The following ARHGAP6 variants were observed in gnomAD, a reference collection of about 807,000 sequenced individuals.
The protein encoded by ARHGAP6 is Rho GTPase activating protein 6, also known as rho GTPase-activating protein 6.
A neutral mutation model predicts 55.7 loss-of-function variants in ARHGAP6; 16 were observed. The ratio of observed to expected loss-of-function variants is 0.29; its 90% confidence interval spans 0.19 to 0.44. ARHGAP6 has a LOEUF of 0.44. ARHGAP6 is among the 20% of genes least tolerant of loss of function. The pLI, the probability that ARHGAP6 is intolerant of heterozygous loss-of-function variation, is 1.00. For missense variants in ARHGAP6, 698 were observed against 808.9 expected (o/e 0.86, Z 1.66); for synonymous variants, 382 against 360.9 (o/e 1.06, Z -0.66).
At chrX:11,608,795 T>C (rs189080855) in intron 1 of ARHGAP6, among the ~76,000 whole-genome samples, 52 of 111,815 alleles carry the variant, frequency 4.7e-4, no homozygotes, top group Admixed American at 1.8e-3. Flanking sequence ...CTCTTGCTGC[T>C]GCCATGTAGG....
In ARHGAP6 at chrX:11,343,397, G is replaced by A. The variant is rs180688405; in HGVS notation, c.589-88690C>T. ...TTGATTCTATAGGGCTGTCCTGATT[G>A]TAACTATAGAATTAGGAAGCCCTCT... On this transcript the variant is annotated intron_variant, in intron 1 of 12. Transcript: ENST00000337414. Among the ~76,000 whole-genome samples the A allele has an allele frequency of 1.1e-3, 121 of 112,242 alleles. 1 individual carries two copies. The highest frequency in any genetic ancestry group is 3.7e-3 in the African/African-American group (115 of 30,939).
intron 2 of ARHGAP6, among the ~76,000 whole-genome samples, chrX:11,221,799 CTTTTGTTA>C (rs1215473156): frequency 1.8e-5 from 2 of 111,085 alleles, no homozygotes; most frequent in Non-Finnish European, 1.9e-5. Flanking sequence ...TATACAGATA[CTTTTGTTA>C]TTTTGTTATT....
chrX:11,587,665 T>C (rs781179539), intron 1 of ARHGAP6, among the ~76,000 whole-genome samples: 4 of 112,336 alleles, frequency 3.6e-5, no homozygotes, highest in South Asian at 3.7e-4. Context: ...CACGAAAAGA[T>C]TGAGCTGTGC....
At chrX:11,201,536 C>G (rs1018451983) in intron 2 of ARHGAP6, among the ~76,000 whole-genome samples, 3 of 110,386 alleles carry the variant, frequency 2.7e-5, no homozygotes, top group African/African-American at 1.0e-4. Flanking sequence ...CAAAGCAGGT[C>G]CTCTGTATTA....
intron 2 of ARHGAP6, among the ~76,000 whole-genome samples, chrX:11,228,610 G>T (rs752768903): frequency 8.9e-6 from 1 of 112,104 alleles, no homozygotes; most frequent in Non-Finnish European, 1.9e-5. Flanking sequence ...ATAAAATTGT[G>T]TCGGAGACCA....
intron 1 of ARHGAP6, among the ~76,000 whole-genome samples, chrX:11,485,349 G>A (rs1227307909): frequency 2.8e-5 from 3 of 106,767 alleles, no homozygotes; most frequent in Admixed American, 1.0e-4. Flanking sequence ...GGAGAAGTAA[G>A]CTTCCAAAAA....
chrX:11,595,786 G>A (rs2051894786), intron 1 of ARHGAP6, among the ~76,000 whole-genome samples: 1 of 112,180 alleles, frequency 8.9e-6, no homozygotes, highest in Non-Finnish European at 1.9e-5. Context: ...CTTCTCAAAA[G>A]AAGACATTTA....
At chrX:11,382,405 T>C (rs1461607355) in intron 1 of ARHGAP6, among the ~76,000 whole-genome samples, 1 of 111,536 alleles carries the variant, frequency 9.0e-6, no homozygotes, top group Non-Finnish European at 1.9e-5. Context: ...GTTTTTATGC[T>C]CAGATACAAT....
At chrX:11,375,777 C>T (rs1395829076) in intron 1 of ARHGAP6, among the ~76,000 whole-genome samples, 1 of 111,678 alleles carries the variant, frequency 9.0e-6, no homozygotes, top group African/African-American at 3.3e-5. Context: ...AAGAATTCTG[C>T]ATGAGAGCAA....
chrX:11,540,202 C>T (rs1417411220), intron 1 of ARHGAP6, among the ~76,000 whole-genome samples: 1 of 104,920 alleles, frequency 9.5e-6, no homozygotes, highest in African/African-American at 3.5e-5. Context: ...TGCAGTGAGC[C>T]GAGATCACGC....
At chrX:11,365,995 T>C (rs1373514664) in intron 1 of ARHGAP6, among the ~76,000 whole-genome samples, 1 of 112,087 alleles carries the variant, frequency 8.9e-6, no homozygotes, top group Non-Finnish European at 1.9e-5. Context: ...TGTTCTCACA[T>C]GGCAGGGAAA....
chrX:11,631,815 G>C (rs1271705546), intron 1 of ARHGAP6, among the ~76,000 whole-genome samples: 1 of 112,059 alleles, frequency 8.9e-6, no homozygotes, highest in Non-Finnish European at 1.9e-5. Context: ...TCCCAATAAA[G>C]CTTTATTTGG....
intron 1 of ARHGAP6, among the ~76,000 whole-genome samples, chrX:11,545,544 C>T (rs940526870): frequency 1.8e-5 from 2 of 112,097 alleles, no homozygotes; most frequent in East Asian, 2.8e-4. Context: ...AGACAGCATG[C>T]AAGGCAACAT....
chrX:11,476,669 A>C (rs2050406398), intron 1 of ARHGAP6, among the ~76,000 whole-genome samples: 1 of 111,362 alleles, frequency 9.0e-6, no homozygotes, highest in Non-Finnish European at 1.9e-5. Context: ...GAGAATCCAC[A>C]AACAGACTCA....
chrX:11,660,526 C>A (rs1569076156), intron 1 of ARHGAP6, among the ~76,000 whole-genome samples: 1 of 45,098 alleles, frequency 2.2e-5, no homozygotes. Flanking sequence ...GACTCTCTCT[C>A]TCTCAAAAAA....
At chrX:11,589,208 A>T (rs941285159) in intron 1 of ARHGAP6, among the ~76,000 whole-genome samples, 2 of 106,763 alleles carry the variant, frequency 1.9e-5, no homozygotes, top group East Asian at 6.0e-4. Flanking sequence ...CGCCCGGCTA[A>T]TTTTTGTATT....
intron 1 of ARHGAP6, among the ~76,000 whole-genome samples, chrX:11,455,116 A>T (rs1423789902): frequency 8.9e-6 from 1 of 112,082 alleles, no homozygotes; most frequent in East Asian, 2.8e-4. Context: ...CATATTCTCC[A>T]AGGCAGTGGA....
intron 2 of ARHGAP6, among the ~76,000 whole-genome samples, chrX:11,216,200 T>TA (rs112779032): frequency 0.21 from 19,812 of 96,191 alleles, 1,988 homozygotes; most frequent in African/African-American, 0.34. Flanking sequence ...GTCTTCCTCT[T>TA]AAAAAAAAAA....
At chrX:11,380,215 C>T (rs2049246347) in intron 1 of ARHGAP6, among the ~76,000 whole-genome samples, 1 of 111,009 alleles carries the variant, frequency 9.0e-6, no homozygotes. Flanking sequence ...ATAATCAAAC[C>T]CCAAACCAAG....
Sources: gnomAD v4.1 joint callset for allele counts (sites outside exome capture counted in the v4.1 genomes callset) on GRCh38, gnomAD v4.1.1 for gene constraint, MANE v1.5 for transcripts, NCBI Gene and HGNC (gene_info 2026-07-23, HGNC 2026-07-21) for gene names.